HECW1: variants seen among roughly 807,000 people sequenced by gnomAD.
HECW1 encodes E3 ubiquitin-protein ligase HECW1.
A neutral mutation model predicts 182.3 loss-of-function variants in HECW1; 61 were observed. The observed-to-expected ratio is 0.33, with a 90% CI of 0.27 to 0.41. HECW1 has a LOEUF of 0.41. Ranked by LOEUF, HECW1 falls within the 10% of genes least tolerant of loss-of-function variation. HECW1 has a pLI of 1.00. For missense variants in HECW1, 1,739 were observed against 2,108.9 expected (o/e 0.82, Z 3.44); for synonymous variants, 859 against 832.6 (o/e 1.03, Z -0.55).
intron 5 of HECW1, among the ~76,000 whole-genome samples, chr7:43,322,534 C>T (rs1177855404): frequency 6.6e-6 from 1 of 152,160 alleles, no homozygotes; most frequent in Non-Finnish European, 1.5e-5. Flanking sequence ...CCAACATAAA[C>T]TCGCCCTCAG....
At chr7:43,430,377 T>A (rs944018754) in intron 8 of HECW1, among the ~76,000 whole-genome samples, 11 of 152,218 alleles carry the variant, frequency 7.2e-5, no homozygotes, top group African/African-American at 2.6e-4. Flanking sequence ...ATATCAACAA[T>A]AAAAGCAGAT....
chr7:43,208,482 T>A (rs1795696966), intron 2 of HECW1, among the ~76,000 whole-genome samples: 1 of 152,238 alleles, frequency 6.6e-6, no homozygotes, highest in Non-Finnish European at 1.5e-5. Flanking sequence ...ACCTGCTGCC[T>A]CTCCTGGTAG....
intron 2 of HECW1, among the ~76,000 whole-genome samples, chr7:43,184,870 G>A (rs971061145): frequency 5.3e-5 from 8 of 152,030 alleles, no homozygotes; most frequent in Non-Finnish European, 8.8e-5. Context: ...GAAGCAGGCA[G>A]GTCTTACATG....
In HECW1 at chr7:43,379,744, C is replaced by T. The variant is rs145745658; in HGVS notation, c.556-17070C>T. Among the ~76,000 whole-genome samples the T allele has an allele frequency of 3.0e-3, 463 of 152,216 alleles. 2 individuals are homozygous for T. The highest frequency in any genetic ancestry group is 0.011 in the African/African-American group (451 of 41,544). ...ATTCACTCCCTCCCCCCATTTAGAT[C>T]GTTTTCTCAAATGTCCCCTCCTGGG... On this transcript the variant is annotated intron_variant, in intron 6 of 29. Transcript: ENST00000395891.
intron 3 of HECW1, among the ~76,000 whole-genome samples, chr7:43,271,147 C>G (rs1233391300): frequency 1.3e-5 from 2 of 152,140 alleles, no homozygotes; most frequent in Non-Finnish European, 2.9e-5. Context: ...CACAAATTAT[C>G]TAGAAGACTG....
chr7:43,540,849 T>C (rs917450680), intron 24 of HECW1, among the ~76,000 whole-genome samples: 1 of 152,172 alleles, frequency 6.6e-6, no homozygotes, highest in Non-Finnish European at 1.5e-5. Context: ...ATCTAAGATT[T>C]CTGAATTCCC....
chr7:43,532,958 G>T (rs2081051356), intron 24 of HECW1, among the ~76,000 whole-genome samples: 1 of 152,164 alleles, frequency 6.6e-6, no homozygotes, highest in African/African-American at 2.4e-5. Flanking sequence ...TTCAAGAAAG[G>T]CAAGTTAGAA....
rs1411100759 is a variant in HECW1 at position 43,442,472 on chromosome 7, T to C, written c.945-57T>C. On this transcript the variant is annotated intron_variant, in intron 9 of 29. Transcript: ENST00000395891. ...CCACTGGTATAGAAAGCACACTGCATGGTCATTAGGAAGAGAGGTATTGAC... is the reference window on the plus strand; with the variant it reads ...CCACTGGTATAGAAAGCACACTGCACGGTCATTAGGAAGAGAGGTATTGAC... 4.7e-6 allele frequency: 6 copies of C among 1,266,864 alleles called. No homozygotes were observed. The East Asian group carries it at 7.2e-5, about 15-fold the overall frequency. 78.5% of individuals were successfully genotyped at this position (1,266,864 alleles called of 1,614,324 possible).
intron 13 of HECW1, among the ~76,000 whole-genome samples, chr7:43,457,998 C>T (rs1335107260): frequency 6.6e-6 from 1 of 152,180 alleles, no homozygotes; most frequent in African/African-American, 2.4e-5. Flanking sequence ...GCACACTTTA[C>T]AATCATTCTC....
intron 6 of HECW1, among the ~76,000 whole-genome samples, chr7:43,393,790 T>C (rs146167484): frequency 4.2e-4 from 64 of 152,250 alleles, no homozygotes; most frequent in African/African-American, 1.5e-3. Flanking sequence ...AACCAAAATA[T>C]GTATGCTTTA....
chr7:43,504,730 C>T (rs553330258), intron 21 of HECW1, among the ~76,000 whole-genome samples: 1 of 152,210 alleles, frequency 6.6e-6, no homozygotes, highest in African/African-American at 2.4e-5. Flanking sequence ...CAAACATTTC[C>T]CCTAAAGCCT....
intron 5 of HECW1, among the ~76,000 whole-genome samples, chr7:43,323,804 G>T (rs1810434060): frequency 6.6e-6 from 1 of 152,120 alleles, no homozygotes; most frequent in South Asian, 2.1e-4. Flanking sequence ...TAGGTAGGGG[G>T]ATCACCCGAG....
At chr7:43,359,222 A>T (rs1218666610) in intron 5 of HECW1, among the ~76,000 whole-genome samples, 1 of 152,220 alleles carries the variant, frequency 6.6e-6, no homozygotes, top group Non-Finnish European at 1.5e-5. Flanking sequence ...AGCTACATAT[A>T]ACAGAGATCC....
intron 10 of HECW1, among the ~76,000 whole-genome samples, chr7:43,442,843 G>A (rs1201246780): frequency 6.6e-6 from 1 of 152,184 alleles, no homozygotes; most frequent in Non-Finnish European, 1.5e-5. Flanking sequence ...TGACCCAAAG[G>A]TACAGAGTAG....
chr7:43,202,367 A>G (rs1795084306), intron 2 of HECW1, among the ~76,000 whole-genome samples: 1 of 152,206 alleles, frequency 6.6e-6, no homozygotes, highest in African/African-American at 2.4e-5. Flanking sequence ...AATAATGACA[A>G]TAGTTGCAGA....
chr7:43,215,335 C>T (rs377296396), intron 2 of HECW1, among the ~76,000 whole-genome samples: 5 of 152,206 alleles, frequency 3.3e-5, no homozygotes, highest in South Asian at 4.1e-4. Flanking sequence ...CTCACAGAAG[C>T]GTTGCCCTGT....
Position 43,243,920 on chromosome 7 carries a change from G to A in HECW1, c.15G>A (p.Leu5=). 6.2e-7 allele frequency: 1 copy of A among 1,612,370 alleles called. No individual in the cohort carries two copies. The highest frequency in any genetic ancestry group is 1.1e-5 in the South Asian group (1 of 91,020). Residue 5 remains leucine, a synonymous_variant, in exon 3 of 30, where the codon CTG becomes CTA. Coordinates refer to ENST00000395891, the MANE Select transcript of HECW1 (RefSeq NM_015052.5). This position sits in a 1 kb window ranked among gnomAD's most constrained non-coding sequence, Gnocchi z 4.0. The part of the protein sequence containing the change: MLLH[L]CSVKNLYQNR... Reference sequence around the variant, plus strand: ...GGTGGGTCATTATGCTGCTGCACCTGTGTAGTGTGAAGGTCAGTGTGCTTT... The same window carrying A: ...GGTGGGTCATTATGCTGCTGCACCTATGTAGTGTGAAGGTCAGTGTGCTTT...
rs1413247667 is a variant in HECW1, at chr7:43,114,398, C to T, written c.-32+7C>T. 7.5e-7 allele frequency: 1 copy of T among 1,341,906 alleles called. No individual in the cohort carries two copies. The highest frequency in any genetic ancestry group is 9.8e-7 in the Non-Finnish European group (1 of 1,020,680). 83.1% of individuals were successfully genotyped at this position (1,341,906 alleles called of 1,614,324 possible). On this transcript the variant is annotated splice_region_variant and intron_variant, in intron 2 of 29. Coordinates refer to ENST00000395891, the MANE Select transcript of HECW1 (RefSeq NM_015052.5). ...TCCGGCTGTGGCTATTACGGTAATT[C>T]ATTCTAGATTGGGGATTCATTTAAA...
chr7:43,488,381 A>AAT (rs2078746013), intron 17 of HECW1, among the ~76,000 whole-genome samples: 2 of 105,876 alleles, frequency 1.9e-5, no homozygotes, highest in Admixed American at 9.7e-5. Flanking sequence ...GAAGGAAGGA[A>AAT]GGAAGGAAGG....
Sources: allele counts gnomAD v4.1 joint callset (sites outside exome capture counted in the v4.1 genomes callset), GRCh38; gene constraint gnomAD v4.1.1; non-coding constraint Gnocchi (gnomAD v3.1); transcripts MANE v1.5; gene names NCBI Gene and HGNC (gene_info 2026-07-23, HGNC 2026-07-21).